The following MKLN1 variants were observed in gnomAD, a reference collection of about 807,000 sequenced individuals.
MKLN1 encodes the protein muskelin 1.
MKLN1 carries 18 observed loss-of-function variants against 99.0 expected under a neutral mutation model. The observed-to-expected ratio is 0.18, with a 90% CI of 0.13 to 0.27. The LOEUF is 0.27. Ranked by LOEUF, MKLN1 falls within the 10% of genes least tolerant of loss-of-function variation. MKLN1 has a pLI of 1.00. For synonymous variants in MKLN1, 288 were observed against 293.2 expected, an observed-to-expected ratio of 0.98 and a Z score of 0.18; for missense variants, 621 against 875.9, an observed-to-expected ratio of 0.71 and a Z score of 3.67.
intron 3 of MKLN1, among the ~76,000 whole-genome samples, chr7:131,230,713 C>T (rs931412332): frequency 1.3e-5 from 2 of 152,146 alleles, no homozygotes; most frequent in African/African-American, 4.8e-5. Context: ...ATTTCAATTG[C>T]CCTGTGCCTT....
chr7:131,207,869 G>A (rs1048648247), intron 3 of MKLN1, among the ~76,000 whole-genome samples: 2 of 152,222 alleles, frequency 1.3e-5, no homozygotes, highest in African/African-American at 4.8e-5. Flanking sequence ...AGTAGAGATG[G>A]TTTTAGCCTT....
chr7:131,119,309 G>A (rs997545258), intron 1 of MKLN1, among the ~76,000 whole-genome samples: 2 of 152,222 alleles, frequency 1.3e-5, no homozygotes, highest in Non-Finnish European at 2.9e-5. Context: ...CCACACCGAT[G>A]CAAGCGGTGG....
At chr7:131,265,333 C>T (rs1311693636) in intron 3 of MKLN1, among the ~76,000 whole-genome samples, 1 of 152,160 alleles carries the variant, frequency 6.6e-6, no homozygotes, top group East Asian at 1.9e-4. Context: ...GTATAGTCAT[C>T]CATCCTGTTC....
chr7:131,167,187 T>A (rs1796139521), intron 2 of MKLN1, among the ~76,000 whole-genome samples: 1 of 152,128 alleles, frequency 6.6e-6, no homozygotes, highest in South Asian at 2.1e-4. Flanking sequence ...AATGATCCAC[T>A]GTTTTCAAGG....
At chr7:131,150,468 C>T (rs181513006) in intron 2 of MKLN1, among the ~76,000 whole-genome samples, 33 of 152,154 alleles carry the variant, frequency 2.2e-4, no homozygotes, top group Non-Finnish European at 4.0e-4. Flanking sequence ...GCTTGGGTGA[C>T]AGATGAAGAC....
intron 3 of MKLN1, among the ~76,000 whole-genome samples, chr7:131,290,293 T>C (rs79729919): frequency 0.07 from 10,715 of 152,156 alleles, 397 homozygotes; most frequent in Middle Eastern, 0.14. Flanking sequence ...GCAACAAGAG[T>C]GAAATTCCGT....
At chr7:131,351,497 G>A (rs1799718363) in intron 1 of MKLN1, among the ~76,000 whole-genome samples, 1 of 151,896 alleles carries the variant, frequency 6.6e-6, no homozygotes, top group South Asian at 2.1e-4. Flanking sequence ...GTCTTGCTCT[G>A]TTGCCCAGGC....
chr7:131,347,192 GA>G (rs1422805530), intron 1 of MKLN1, among the ~76,000 whole-genome samples: 1 of 152,048 alleles, frequency 6.6e-6, no homozygotes, highest in Admixed American at 6.5e-5. Flanking sequence ...GAAACGAAAG[GA>G]AAAAATAGAG....
intron 10 of MKLN1, among the ~76,000 whole-genome samples, chr7:131,440,500 A>AT (rs1387949736): frequency 6.6e-6 from 1 of 152,218 alleles, no homozygotes; most frequent in African/African-American, 2.4e-5. Context: ...AAAGCAATAA[A>AT]TAACAAAGCT....
intron 8 of MKLN1, among the ~76,000 whole-genome samples, chr7:131,418,954 G>A (rs1795107580): frequency 6.6e-6 from 1 of 151,988 alleles, no homozygotes; most frequent in Non-Finnish European, 1.5e-5. Flanking sequence ...GTTGTGACTG[G>A]GTAATCCAGG....
At chr7:131,377,923 A>G (rs758752862) in intron 2 of MKLN1, among the ~76,000 whole-genome samples, 1 of 152,234 alleles carries the variant, frequency 6.6e-6, no homozygotes, top group Non-Finnish European at 1.5e-5. Context: ...ATGAAAATAA[A>G]TACCATGCAA....
intron 2 of MKLN1, among the ~76,000 whole-genome samples, chr7:131,154,072 A>T (rs1795930155): frequency 6.6e-6 from 1 of 152,320 alleles, no homozygotes; most frequent in South Asian, 2.1e-4. Flanking sequence ...GTCAGAAGGG[A>T]TATATATGTA....
intron 6 of MKLN1, among the ~76,000 whole-genome samples, chr7:131,402,586 A>C (rs188668439): frequency 1.2e-4 from 18 of 152,294 alleles, no homozygotes; most frequent in Admixed American, 1.0e-3. Flanking sequence ...GTCTGTGGCA[A>C]CTATAGCCTT....
intron 6 of MKLN1, among the ~76,000 whole-genome samples, chr7:131,407,498 G>T (rs996405418): frequency 3.3e-5 from 5 of 151,892 alleles, no homozygotes; most frequent in Non-Finnish European, 5.9e-5. Flanking sequence ...ATATTTTAAT[G>T]TGGTGAATTT....
intron 8 of MKLN1, among the ~76,000 whole-genome samples, chr7:131,419,621 A>G (rs997925856): frequency 6.6e-6 from 1 of 152,176 alleles, no homozygotes; most frequent in Non-Finnish European, 1.5e-5. Context: ...CAGGTATTCA[A>G]ATAAAGTGTC....
intron 12 of MKLN1, among the ~76,000 whole-genome samples, chr7:131,462,274 C>G (rs1796537615): frequency 6.6e-6 from 1 of 152,134 alleles, no homozygotes; most frequent in Non-Finnish European, 1.5e-5. Flanking sequence ...ATATGATCCT[C>G]CCACCTTGAC....
intron 3 of MKLN1, among the ~76,000 whole-genome samples, chr7:131,388,537 A>G (rs1034471611): frequency 5.9e-5 from 9 of 152,200 alleles, no homozygotes; most frequent in Non-Finnish European, 1.2e-4. Flanking sequence ...ACTGTGAATT[A>G]TTTTTGAATT....
chr7:131,362,913 A>G (rs556636394), intron 1 of MKLN1, among the ~76,000 whole-genome samples: 22 of 151,970 alleles, frequency 1.4e-4, no homozygotes, highest in African/African-American at 4.1e-4. Flanking sequence ...ACTATTTTTG[A>G]GCTGTTTTAA....
intron 3 of MKLN1, among the ~76,000 whole-genome samples, chr7:131,232,495 A>G (rs770916350): frequency 9.2e-5 from 14 of 152,176 alleles, no homozygotes; most frequent in Admixed American, 2.6e-4. Context: ...GGTCTCAGAG[A>G]AGTCTTTTGA....
Sources: gnomAD v4.1 joint callset for allele counts (sites outside exome capture counted in the v4.1 genomes callset) on GRCh38, gnomAD v4.1.1 for gene constraint, MANE v1.5 for transcripts, NCBI Gene and HGNC (gene_info 2026-07-23, HGNC 2026-07-21) for gene names.